The following DDX17 variants were observed in gnomAD, a reference collection of about 807,000 sequenced individuals.
DDX17 encodes the protein probable ATP-dependent RNA helicase DDX17.
DDX17 carries 10 observed loss-of-function variants against 80.8 expected under a neutral mutation model. That is an observed-to-expected ratio of 0.12 (90% CI 0.08 to 0.21). The LOEUF (loss-of-function observed/expected upper bound fraction) is 0.21, where lower values mean the gene tolerates loss of function less well. Ranked by LOEUF, DDX17 falls within the 10% of genes least tolerant of loss-of-function variation. The probability of loss-of-function intolerance (pLI) is 1.00; values close to 1 mark genes in which losing one functional copy is unlikely to be tolerated. For synonymous variants in DDX17, 339 were observed against 336.2 expected (o/e 1.01, Z -0.09); for missense variants, 586 against 957.4 (o/e 0.61, Z 5.12).
At position 38,486,360 on chromosome 22, in the gene DDX17, G is replaced by C; in HGVS notation, c.1765C>G (p.Arg589Gly). The C allele has an allele frequency of 6.2e-7, 1 of 1,614,114 alleles. No individual in the cohort carries two copies. Reference sequence around the variant, plus strand: ...CTCCGGCCACCATCCTTGACTCCTCGAAGCCTTCGGTCACACTCATCCTGA... The same window carrying C: ...CTCCGGCCACCATCCTTGACTCCTCCAAGCCTTCGGTCACACTCATCCTGA... Residue 589 changes from arginine to glycine, a missense_variant, in exon 13 of 13, where the codon CGA becomes GGA. By Grantham distance (125) the Arg-to-Gly change is moderately radical. This residue lies in a region of DDX17 where 221 missense variants were observed against 261.4 expected (regional missense o/e 0.85). Transcript: ENST00000403230.
Position 38,494,925 on chromosome 22 carries a change from C to T in DDX17, c.1002G>A (p.Gly334=). 6.2e-7 allele frequency: 1 copy of T among 1,614,176 alleles called. No individual in the cohort carries two copies. Among genetic ancestry groups the T allele is most frequent in the Non-Finnish European group, 8.5e-7 (1 of 1,180,022 alleles). The change falls in exon 7 of 13, where the codon GGG becomes GGA. Residue 334 remains glycine (G), a synonymous_variant. Coordinates refer to ENST00000403230, the MANE Select transcript of DDX17 (RefSeq NM_006386.5). ...CAATTTTACGGATCTGGGGTTCAAA[C>T]CCCATATCAAGCATTCTGTCAGCTT...
At position 38,493,722 on chromosome 22, in the gene DDX17, A is replaced by C. The variant is rs2089734890; in HGVS notation, c.1375T>G (p.Trp459Gly). The C allele has an allele frequency of 6.2e-7, 1 of 1,612,600 alleles. No homozygotes were observed. Among genetic ancestry groups the C allele is most frequent in the Admixed American group, 1.7e-5 (1 of 59,992 alleles). ...GTTTTAAACTTACCATTAAGTACCCAATCTCTTTCTGGTTGACTCTTGTCT... is the reference window on the plus strand; with the variant it reads ...GTTTTAAACTTACCATTAAGTACCCCATCTCTTTCTGGTTGACTCTTGTCT... Residue 459 changes from tryptophan (W) to glycine (G), a missense_variant, in exon 10 of 13, where the codon TGG becomes GGG. Coordinates refer to ENST00000403230, the MANE Select transcript of DDX17 (RefSeq NM_006386.5).
intron 10 of DDX17, 47 bp downstream of exon 10, chr22:38,493,663 G>T: frequency 7.0e-7 from 1 of 1,422,798 alleles, no homozygotes; most frequent in Non-Finnish European, 9.9e-7. Context: ...ATTCACTTAT[G>T]GGCAGGGGGT....
chr22:38,501,704 T>C (rs779856754), intron 1 of DDX17, among the ~76,000 whole-genome samples: 19 of 152,192 alleles, frequency 1.2e-4, no homozygotes, highest in Non-Finnish European at 2.6e-4. Context: ...GACCTAATAA[T>C]GTGTAATGTA....
intron 11 of DDX17, 73 bp downstream of exon 11, chr22:38,491,983 C>G (rs945266718): frequency 4.3e-5 from 48 of 1,105,934 alleles, no homozygotes; most frequent in Non-Finnish European, 5.3e-5. Flanking sequence ...AACTTGAAGT[C>G]TGAATTTGAA....
rs1020225983 is a variant in DDX17, at chr22:38,485,699, T to A, written c.*236A>T. 344 of 121,980 alleles carry A rather than the reference T, an allele frequency of 2.8e-3. 1 individual carries two copies. The highest frequency in any genetic ancestry group is 6.0e-3 in the South Asian group (29 of 4,868). 7.6% of individuals were successfully genotyped at this position (121,980 alleles called of 1,614,324 possible). ...AGCTATATATATATATATATATTTT[T>A]TTTTTTTTTACAAAATGTTATTCCA... is the stretch of plus-strand genomic sequence containing the variant. On this transcript the variant is annotated 3_prime_UTR_variant, in exon 13 of 13. Coordinates refer to ENST00000403230, the MANE Select transcript of DDX17 (RefSeq NM_006386.5).
Position 38,489,627 on chromosome 22 carries a change from A to G in DDX17, c.1448-1512T>C. On this transcript the variant is annotated intron_variant, in intron 11 of 12. Coordinates refer to ENST00000403230, the MANE Select transcript of DDX17 (RefSeq NM_006386.5). The surrounding 1 kb of genome is among the most constrained non-coding windows in gnomAD (Gnocchi z 4.6). ...TCAAGGGAGAAAGGGGAGATTAAAA[A>G]AAAAAAATTAGCTGTTGTTACAGGG... 1 of 985,364 alleles carries G rather than the reference A, an allele frequency of 1.0e-6. No individual in the cohort carries two copies. The highest frequency in any genetic ancestry group is 1.2e-6 in the Non-Finnish European group (1 of 829,896). 61.0% of individuals were successfully genotyped at this position (985,364 alleles called of 1,614,324 possible).
chr22:38,487,177 C>G (rs1404630338), intron 12 of DDX17, among the ~76,000 whole-genome samples: 2 of 152,102 alleles, frequency 1.3e-5, no homozygotes, highest in Non-Finnish European at 2.9e-5. Context: ...GCCCCCGCCC[C>G]GCCAAAGCAA....
intron 11 of DDX17, 58 bp from the exon 12 acceptor site, chr22:38,488,173 A>G: frequency 6.2e-7 from 1 of 1,611,404 alleles, no homozygotes; most frequent in East Asian, 2.2e-5. Context: ...AGAGAAGGTA[A>G]AGGACATGCC....
chr22:38,498,610 T>A, intron 3 of DDX17, 37 bp from the exon 4 acceptor site: 1 of 1,606,898 alleles, frequency 6.2e-7, no homozygotes, highest in Non-Finnish European at 8.5e-7. Context: ...TTTATTGTGT[T>A]TAAAGACACA....
intron 2 of DDX17, 92 bp downstream of exon 2, chr22:38,501,038 G>T: frequency 6.4e-6 from 9 of 1,402,954 alleles, no homozygotes; most frequent in East Asian, 2.7e-5. Context: ...AGAATAAAAT[G>T]TAAAACGGCA....
At position 38,489,549 on chromosome 22, in the gene DDX17, G is replaced by GT; in HGVS notation, c.1448-1435dup. The GT allele has an allele frequency of 4.1e-6, 4 of 984,570 alleles. No individual in the cohort carries two copies. Among genetic ancestry groups the GT allele is most frequent in the Non-Finnish European group, 4.8e-6 (4 of 829,316 alleles). The allele number at this position is 984,570 out of a possible 1,614,324, so 61.0% of individuals were successfully genotyped here. ...AAAAAAATAATTAATAAAAAAAAAT[G>GT]TAAGTTACATCCAAAGGGTCAGACT... On this transcript the variant is annotated intron_variant, in intron 11 of 12. Transcript: ENST00000403230. This position sits in a 1 kb window ranked among gnomAD's most constrained non-coding sequence, Gnocchi z 4.6.
intron 3 of DDX17, 119 bp from the exon 4 acceptor site, chr22:38,498,692 G>T: frequency 1.8e-6 from 2 of 1,126,964 alleles, no homozygotes; most frequent in Non-Finnish European, 2.5e-6. Context: ...TCTCCAAAGT[G>T]CTTTTTCTTT....
rs560292535 is a variant in DDX17, at chr22:38,483,750, G to C, written c.*2185C>G. ...TACATTGGAACCCTTTCCCTAAGTTGAGTTTCAACCATGAATGCAATAACT... is the reference window on the plus strand; with the variant it reads ...TACATTGGAACCCTTTCCCTAAGTTCAGTTTCAACCATGAATGCAATAACT... On this transcript the variant is annotated 3_prime_UTR_variant, in exon 13 of 13. Coordinates refer to ENST00000403230, the MANE Select transcript of DDX17 (RefSeq NM_006386.5). The C allele has an allele frequency of 6.6e-6, 1 of 152,234 alleles. No individual in the cohort carries two copies. Among genetic ancestry groups the C allele is most frequent in the Non-Finnish European group, 1.5e-5 (1 of 68,034 alleles). The allele number at this position is 152,234 out of a possible 1,614,324, so 9.4% of individuals were successfully genotyped here.
rs540494550 is a variant in DDX17 at position 38,494,562 on chromosome 22, C to G, written c.1214+68G>C. The G allele has an allele frequency of 6.6e-5, 97 of 1,478,858 alleles. 1 individual carries two copies. In the South Asian group the frequency reaches 1.0e-3, roughly 16 times the overall value. 91.6% of individuals were successfully genotyped at this position (1,478,858 alleles called of 1,614,324 possible). A position where few individuals can be genotyped will look rare whatever the true frequency, so the allele number is the denominator to read the frequency against. ...TCAAAATATACTGGTTTCTACAGTA[C>G]TAATTTTGGAGGGTTATTAGAAAAG... On this transcript the variant is annotated intron_variant, in intron 8 of 12. Transcript: ENST00000403230.
chr22:38,487,770 T>C, intron 12 of DDX17, 109 bp downstream of exon 12: 1 of 1,122,268 alleles, frequency 8.9e-7, no homozygotes, highest in South Asian at 1.3e-5. Flanking sequence ...TCCTTTGCTA[T>C]TAAGCAACAT....
intron 11 of DDX17, chr22:38,491,144 G>C (rs1179779314): frequency 3.9e-5 from 6 of 152,308 alleles, no homozygotes; most frequent in Admixed American, 6.5e-5. Flanking sequence ...CATGGCTGCA[G>C]GTCACCACCT....
chr22:38,485,876 A>C lies in DDX17; in HGVS notation c.*59T>G. The C allele has an allele frequency of 6.5e-7, 1 of 1,532,506 alleles. No individual in the cohort carries two copies. Among genetic ancestry groups the C allele is most frequent in the Non-Finnish European group, 8.7e-7 (1 of 1,142,896 alleles). 94.9% of individuals were successfully genotyped at this position (1,532,506 alleles called of 1,614,324 possible). A position where few individuals can be genotyped will look rare whatever the true frequency, so the allele number is the denominator to read the frequency against. On this transcript the variant is annotated 3_prime_UTR_variant, in exon 13 of 13. Transcript: ENST00000403230. ...AAAGGCGAAGAGGAAAAAAAAAGGA[A>C]AGACAGTGTTCCTTAAAATGTAATT...
chr22:38,489,530 A>T lies in DDX17; in HGVS notation c.1448-1415T>A, dbSNP rs3207754. The T allele has an allele frequency of 1.0e-6, 1 of 984,912 alleles. No homozygotes were observed. The allele number at this position is 984,912 out of a possible 1,614,324, so 61.0% of individuals were successfully genotyped here. ...ATAATTGGGGTGATTGTAGAAAAAA[A>T]TAATTAATAAAAAAAAATGTAAGTT... On this transcript the variant is annotated intron_variant, in intron 11 of 12. Transcript: ENST00000403230. The surrounding 1 kb of genome is among the most constrained non-coding windows in gnomAD (Gnocchi z 4.6).
Sources: allele counts gnomAD v4.1 joint callset (sites outside exome capture counted in the v4.1 genomes callset), GRCh38; gene constraint gnomAD v4.1.1; regional missense constraint gnomAD v4.1.1; non-coding constraint Gnocchi (gnomAD v3.1); transcripts MANE v1.5; gene names NCBI Gene and HGNC (gene_info 2026-07-23, HGNC 2026-07-21).